Variants in BRD9 observed in about 807,000 individuals in gnomAD.
BRD9 encodes bromodomain-containing protein 9.
Under a neutral mutation model 68.7 loss-of-function variants are expected in BRD9, and 47 were observed. The observed-to-expected ratio is 0.68, with a 90% CI of 0.54 to 0.87. The LOEUF (loss-of-function observed/expected upper bound fraction) is 0.87, where lower values mean the gene tolerates loss of function less well. Ranked by LOEUF, BRD9 falls within the 40% of genes least tolerant of loss-of-function variation. BRD9 has a pLI of 0.00. For synonymous variants in BRD9, 313 were observed against 293.9 expected, an observed-to-expected ratio of 1.06 and a Z score of -0.67; for missense variants, 670 against 748.4, an observed-to-expected ratio of 0.90 and a Z score of 1.22.
intron 8 of BRD9, chr5:883,407 C>T (rs1308119333): frequency 2.2e-6 from 1 of 456,980 alleles, no homozygotes; most frequent in South Asian, 1.5e-5. Context: ...CTGCAGACAG[C>T]CTGTGCTCTG....
Position 889,542 on chromosome 5 carries a change from C to G in BRD9, c.461+45G>C, listed in dbSNP as rs114506188. Reference sequence around the variant, plus strand: ...GAATAAGGCCTCAGAAAAGATGACACCACACCCCCCCAGACACTAGCTCTT... The same window carrying G: ...GAATAAGGCCTCAGAAAAGATGACAGCACACCCCCCCAGACACTAGCTCTT... On this transcript the variant is annotated intron_variant, in intron 4 of 15. Coordinates refer to ENST00000467963, the MANE Select transcript of BRD9 (RefSeq NM_023924.5). 2,021 of 1,601,980 alleles carry G rather than the reference C, an allele frequency of 1.3e-3. 20 individuals are homozygous for G. The African/African-American group carries it at 0.024, about 19-fold the overall frequency.
chr5:891,367 T>C, intron 2 of BRD9, 80 bp from the exon 3 acceptor site: 1 of 1,496,330 alleles, frequency 6.7e-7, no homozygotes, highest in Non-Finnish European at 9.0e-7. Flanking sequence ...CTCGCAGTTC[T>C]CAGGGGAGGG....
chr5:876,315 G>A, intron 11 of BRD9, 103 bp from the exon 12 acceptor site: 1 of 805,308 alleles, frequency 1.2e-6, no homozygotes, highest in Non-Finnish European at 2.0e-6. Context: ...CAGCTCCTCG[G>A]TCCCCGTGAC....
In BRD9 at chr5:886,666, T is replaced by C. The variant is rs1250133828; in HGVS notation, c.759A>G (p.Glu253=). 1.9e-6 allele frequency: 3 copies of C among 1,614,114 alleles called. No individual in the cohort carries two copies. The Admixed American group carries it at 5.0e-5, about 27-fold the overall frequency. Residue 253 remains glutamate, a synonymous_variant, in exon 7 of 16, where the codon GAA becomes GAG. Coordinates refer to ENST00000467963, the MANE Select transcript of BRD9 (RefSeq NM_023924.5). ...LLGNEDTAVE[E]PVPEVVPVQV... ...GTACTGGTACAACTTCAGGGACAGGTTCCTCAACAGCTGTATCTTCATTGC... is the reference window on the plus strand; with the variant it reads ...GTACTGGTACAACTTCAGGGACAGGCTCCTCAACAGCTGTATCTTCATTGC...
chr5:872,159 C>T (rs192203898), intron 12 of BRD9, among the ~76,000 whole-genome samples: 2 of 152,248 alleles, frequency 1.3e-5, no homozygotes, highest in African/African-American at 4.8e-5. Context: ...GTGGCACACC[C>T]GTCCTGTGCT....
intron 12 of BRD9, 97 bp from the exon 13 acceptor site, chr5:871,661 C>A: frequency 1.7e-6 from 2 of 1,171,198 alleles, no homozygotes; most frequent in Non-Finnish European, 2.6e-6. Flanking sequence ...ATGGCTTGTG[C>A]GCTTCTGCGA....
chr5:881,069 T>C (rs753139505), intron 9 of BRD9, 38 bp downstream of exon 9: 2 of 1,601,774 alleles, frequency 1.2e-6, no homozygotes, highest in South Asian at 2.2e-5. Flanking sequence ...AAAAGCAGTG[T>C]ACGGAGAGCA....
At chr5:885,458 C>T (rs1231436034) in intron 7 of BRD9, among the ~76,000 whole-genome samples, 1 of 152,236 alleles carries the variant, frequency 6.6e-6, no homozygotes, top group Non-Finnish European at 1.5e-5. Flanking sequence ...GAGTCCCATA[C>T]ACATGTGAGA....
At chr5:876,588 T>A (rs184349307) in intron 11 of BRD9, among the ~76,000 whole-genome samples, 1 of 152,300 alleles carries the variant, frequency 6.6e-6, no homozygotes, top group East Asian at 1.9e-4. Context: ...CGGTGAGGAA[T>A]GGGCGCGTGG....
At chr5:892,104 G>A (rs1460151695) in intron 1 of BRD9, 8 of 566,642 alleles carry the variant, frequency 1.4e-5, no homozygotes, top group Non-Finnish European at 2.5e-5. Context: ...CCTGTGGGAT[G>A]TTGTTCACAT....
chr5:882,627 C>T (rs1751942162), intron 8 of BRD9: 1 of 164,654 alleles, frequency 6.1e-6, no homozygotes, highest in Non-Finnish European at 1.3e-5. Context: ...ACAGGCGAGC[C>T]AAGCAACCGC....
At chr5:874,572 G>A (rs957644349) in intron 12 of BRD9, among the ~76,000 whole-genome samples, 2 of 152,224 alleles carry the variant, frequency 1.3e-5, no homozygotes, top group African/African-American at 4.8e-5. Flanking sequence ...GTGCAGCAAA[G>A]TGTCAAACAG....
intron 15 of BRD9, 99 bp downstream of exon 15, chr5:865,315 A>G (rs1207944962): frequency 3.5e-6 from 5 of 1,421,830 alleles, no homozygotes; most frequent in Non-Finnish European, 4.7e-6. Context: ...TGCAGCCTCC[A>G]GCCTTCCCAC....
chr5:875,167 A>G (rs935178058), intron 12 of BRD9, among the ~76,000 whole-genome samples: 1 of 152,224 alleles, frequency 6.6e-6, no homozygotes, highest in Admixed American at 6.5e-5. Flanking sequence ...TGAGCAGCCG[A>G]GGCTCTGTGA....
intron 8 of BRD9, chr5:883,652 G>C (rs967525684): frequency 2.0e-6 from 1 of 508,156 alleles, no homozygotes; most frequent in Non-Finnish European, 3.6e-6. Flanking sequence ...TTCACTCCAA[G>C]AGAAAGGATT....
Position 881,353 on chromosome 5 carries a change from C to G in BRD9, c.967-171G>C, listed in dbSNP as rs1043916045. 1.7e-5 allele frequency: 11 copies of G among 663,000 alleles called. No individual in the cohort carries two copies. In the African/African-American group the frequency reaches 2.0e-4, roughly 12 times the overall value. The allele number at this position is 663,000 out of a possible 1,614,324, so 41.1% of individuals were successfully genotyped here. Reference sequence around the variant, plus strand: ...GGAATTTCAGACTCACCGGCAACAGCAGAGCGCGCACAGGTGCCAAGGAGA... The same window carrying G: ...GGAATTTCAGACTCACCGGCAACAGGAGAGCGCGCACAGGTGCCAAGGAGA... On this transcript the variant is annotated intron_variant, in intron 8 of 15. Transcript: ENST00000467963.
chr5:889,735 G>A (rs752134878), intron 3 of BRD9, 88 bp from the exon 4 acceptor site: 1 of 1,579,010 alleles, frequency 6.3e-7, no homozygotes, highest in Non-Finnish European at 8.6e-7. Context: ...TGTCTGTCTG[G>A]TGTCTCACAG....
Position 891,274 on chromosome 5 carries a change from C to T in BRD9, c.281G>A (p.Arg94Gln). The change falls in exon 3 of 16, where the codon CGG becomes CAG. Residue 94 changes from arginine to glutamine, a missense_variant. This residue lies in a region of BRD9 where 161 missense variants were observed against 148.1 expected (regional missense o/e 1.09). Coordinates refer to ENST00000467963, the MANE Select transcript of BRD9 (RefSeq NM_023924.5). ...GTCACAGTGCTCCCTCTCTCGCTTC[C>T]GCTTCTTCTCTTCCTGGGCGGCAGA... ...ERRKRKEEKK[R>Q]KREREHCDTE... 3.2e-6 allele frequency: 5 copies of T among 1,551,462 alleles called. No homozygotes were observed. The highest frequency in any genetic ancestry group is 1.4e-5 in the African/African-American group (1 of 73,150).
At chr5:875,448 T>C (rs1219093950) in intron 12 of BRD9, among the ~76,000 whole-genome samples, 2 of 151,672 alleles carry the variant, frequency 1.3e-5, no homozygotes, top group Non-Finnish European at 2.9e-5. Flanking sequence ...CCCGGGTTCA[T>C]GCCATTCTCC....
Sources: gnomAD v4.1 joint callset for allele counts (sites outside exome capture counted in the v4.1 genomes callset) on GRCh38, gnomAD v4.1.1 for gene constraint, gnomAD v4.1.1 regional missense constraint, MANE v1.5 for transcripts, NCBI Gene and HGNC (gene_info 2026-07-23, HGNC 2026-07-21) for gene names.